The following GLE1 variants were observed in gnomAD, a reference collection of about 807,000 sequenced individuals.
GLE1 encodes the protein mRNA export factor GLE1.
Under a neutral mutation model 97.3 loss-of-function variants are expected in GLE1, and 78 were observed. That is an observed-to-expected ratio of 0.80 (90% CI 0.67 to 0.97). The LOEUF is 0.97. Among genes scored for constraint, GLE1 ranks in the 50% least tolerant of loss-of-function variants. The pLI, the probability that GLE1 is intolerant of heterozygous loss-of-function variation, is 0.00. For missense variants in GLE1, 753 were observed against 857.5 expected (o/e 0.88, Z 1.52); for synonymous variants, 302 against 313.4 (o/e 0.96, Z 0.39).
chr9:128,537,453 CAAAAAAAA>C (rs57584433), intron 12 of GLE1, among the ~76,000 whole-genome samples: 1 of 43,946 alleles, frequency 2.3e-5, no homozygotes, highest in African/African-American at 8.9e-5. Context: ...AACTCTCCCT[CAAAAAAAA>C]AAAAAAAAAA....
intron 12 of GLE1, 115 bp downstream of exon 12, chr9:128,536,599 C>T: frequency 1.1e-6 from 1 of 919,906 alleles, no homozygotes; most frequent in Non-Finnish European, 1.8e-6. Context: ...AAAGGATAAA[C>T]TATATGGCAG....
chr9:128,520,326 G>GTGTGTATA (rs57571577), intron 3 of GLE1, among the ~76,000 whole-genome samples: 8 of 147,090 alleles, frequency 5.4e-5, no homozygotes, highest in South Asian at 2.1e-4. Flanking sequence ...ATATGTATAT[G>GTGTGTATA]TGTGTATATG....
chr9:128,522,696 A>G lies in GLE1; in HGVS notation c.461A>G (p.Gln154Arg), dbSNP rs774204660. 2 of 1,608,314 alleles carry G rather than the reference A, an allele frequency of 1.2e-6. No individual in the cohort carries two copies. The highest frequency in any genetic ancestry group is 1.7e-6 in the Non-Finnish European group (2 of 1,176,956). Residue 154 changes from glutamine to arginine, a missense_variant, in exon 4 of 16, where the codon CAG becomes CGG. Transcript: ENST00000309971. The stretch of plus-strand genomic sequence containing the variant: ...GGCCTGAGGCTATGGCAGGAGGAGC[A>G]GGAGAGGAAGGTGCAAGCCCTCTCG... Reference protein sequence around the residue: ...TEGLRLWQEEQERKVQALSEM... With the variant: ...TEGLRLWQEERERKVQALSEM...
At chr9:128,527,910 G>A (rs2132475994) in intron 9 of GLE1, among the ~76,000 whole-genome samples, 1 of 148,248 alleles carries the variant, frequency 6.7e-6, no homozygotes, top group South Asian at 2.2e-4. Context: ...ATTGCAGTGA[G>A]CCGAGATCAC....
chr9:128,518,657 C>T (rs1427765018), intron 3 of GLE1, among the ~76,000 whole-genome samples: 3 of 151,914 alleles, frequency 2.0e-5, no homozygotes, highest in Admixed American at 6.6e-5. Context: ...ATCACGAGGT[C>T]GGGAGTTCGA....
At position 128,523,831 on chromosome 9, in the gene GLE1, C is replaced by G; in HGVS notation, c.882C>G (p.Ile294Met). 2 of 1,614,046 alleles carry G rather than the reference C, an allele frequency of 1.2e-6. No individual in the cohort carries two copies. The highest frequency in any genetic ancestry group is 2.2e-5 in the East Asian group (1 of 44,858). Residue 294 changes from isoleucine (I) to methionine (M), a missense_variant, in exon 6 of 16, where the codon ATC becomes ATG. Ile to Met is a conservative substitution (Grantham distance 10). Coordinates refer to ENST00000309971, the MANE Select transcript of GLE1 (RefSeq NM_001003722.2). The stretch of plus-strand genomic sequence containing the variant: ...TGTGCAGCCTCATCTCAGGGATCAT[C>G]CGGGCCTCTTCAGAGGTGAGGGGGG... Reference protein sequence around the residue: ...NQLCSLISGIIRASSESSYPT... With the variant: ...NQLCSLISGIMRASSESSYPT...
intron 3 of GLE1, among the ~76,000 whole-genome samples, chr9:128,522,106 T>C (rs1009592206): frequency 6.6e-6 from 1 of 152,208 alleles, no homozygotes; most frequent in Non-Finnish European, 1.5e-5. Context: ...AGCTTAATAG[T>C]GCATGGCTGT....
chr9:128,532,144 G>C (rs1847532885), intron 9 of GLE1, among the ~76,000 whole-genome samples: 1 of 149,164 alleles, frequency 6.7e-6, no homozygotes. Flanking sequence ...AACTGGAGAT[G>C]CTGTATTAAT....
rs1246453860 is a variant in GLE1, at chr9:128,525,285, A to G, written c.991A>G (p.Arg331Gly). 1 of 1,613,984 alleles carries G rather than the reference A, an allele frequency of 6.2e-7. No homozygotes were observed. The highest frequency in any genetic ancestry group is 8.5e-7 in the Non-Finnish European group (1 of 1,179,966). Residue 331 changes from arginine to glycine, a missense_variant, in exon 7 of 16, where the codon AGA becomes GGA. Physicochemically the swap from Arg to Gly is moderately radical, Grantham distance 125. Transcript: ENST00000309971. ...GATGAACTTGGGGCAGGAGATCACC[A>G]GAGCCTGCGAAGACAAGAGGAGGCA... is the stretch of plus-strand genomic sequence containing the variant. Reference protein sequence around the residue: ...LLMNLGQEITRACEDKRRQDE... With the variant: ...LLMNLGQEITGACEDKRRQDE...
rs1389987304 is a variant in GLE1 at position 128,523,611 on chromosome 9, G to A, written c.662G>A (p.Arg221Gln). ...CTACAGATTCTCAACCTGAAGCTGC[G>A]GGAAGCAGAGCAGCAGCGCGTGAAG... The part of the protein sequence containing the change: ...HRAKILNLKL[R>Q]EAEQQRVKQA... The change falls in exon 6 of 16, where the codon CGG becomes CAG. Residue 221 changes from arginine to glutamine, a missense_variant. Coordinates refer to ENST00000309971, the MANE Select transcript of GLE1 (RefSeq NM_001003722.2). 1.2e-6 allele frequency: 2 copies of A among 1,614,048 alleles called. No homozygotes were observed. The highest frequency in any genetic ancestry group is 1.7e-6 in the Non-Finnish European group (2 of 1,180,016).
chr9:128,522,868 C>G lies in GLE1; in HGVS notation c.581+52C>G, dbSNP rs895536513. 5.0e-6 allele frequency: 8 copies of G among 1,600,224 alleles called. No homozygotes were observed. In the African/African-American group the frequency reaches 9.4e-5, roughly 19 times the overall value. ...AATGTTGATGTGTTCAACTGGAACT[C>G]TTTCCCAAGAGGAATTCCAAAGGGA... On this transcript the variant is annotated intron_variant, in intron 4 of 15. Transcript: ENST00000309971.
At chr9:128,519,508 C>T (rs1344285570) in intron 3 of GLE1, among the ~76,000 whole-genome samples, 1 of 152,156 alleles carries the variant, frequency 6.6e-6, no homozygotes, top group Non-Finnish European at 1.5e-5. Context: ...CCATAGCGCT[C>T]CCAGGCTTAT....
intron 3 of GLE1, among the ~76,000 whole-genome samples, chr9:128,519,325 T>C (rs945622303): frequency 1.3e-5 from 2 of 152,218 alleles, no homozygotes; most frequent in African/African-American, 4.8e-5. Context: ...AACAAAGCCA[T>C]ATTTCTCTTC....
rs185083826 is a variant in GLE1, at chr9:128,520,693, G to A, written c.433-1975G>A. Among the ~76,000 whole-genome samples the A allele has an allele frequency of 9.9e-5, 14 of 140,864 alleles. No homozygotes were observed. The East Asian group carries it at 2.2e-3, about 22-fold the overall frequency. The allele number at this position is 140,864 out of a possible 152,430, so 92.4% of individuals were successfully genotyped here. A position where few individuals can be genotyped will look rare whatever the true frequency, so the allele number is the denominator to read the frequency against. The stretch of plus-strand genomic sequence containing the variant: ...GCATCGTCTGCTTCTCACACACATC[G>A]TGTGTGTGTGTGTGTATCCTTGGGT... On this transcript the variant is annotated intron_variant, in intron 3 of 15. Transcript: ENST00000309971.
At chr9:128,537,109 T>C (rs1190807222) in intron 12 of GLE1, among the ~76,000 whole-genome samples, 1 of 152,096 alleles carries the variant, frequency 6.6e-6, no homozygotes, top group Non-Finnish European at 1.5e-5. Context: ...AGCTGACACA[T>C]GCATATTGAA....
intron 2 of GLE1, among the ~76,000 whole-genome samples, chr9:128,512,240 G>T (rs1354881269): frequency 6.6e-6 from 1 of 152,188 alleles, no homozygotes; most frequent in Non-Finnish European, 1.5e-5. Flanking sequence ...GTGGTTGGTG[G>T]TGATAGAACA....
intron 11 of GLE1, among the ~76,000 whole-genome samples, 153 bp downstream of exon 11, chr9:128,534,104 A>C (rs1175351885): frequency 2.0e-5 from 3 of 152,308 alleles, no homozygotes; most frequent in Admixed American, 2.0e-4. Flanking sequence ...GCAGTGGCTC[A>C]TGCCTGTAAT....
Position 128,524,540 on chromosome 9 carries a change from C to CTT in GLE1, c.898-624_898-623dup, listed in dbSNP as rs71381767. ...GTACCTGCCCTGTTTCTTTGCTTTG[C>CTT]TTTTTTTTTTTTTTTTTTTTTTTTT... On this transcript the variant is annotated intron_variant, in intron 6 of 15. Coordinates refer to ENST00000309971, the MANE Select transcript of GLE1 (RefSeq NM_001003722.2). 2.7e-3 allele frequency among the ~76,000 whole-genome samples: 109 copies of CTT among 39,642 alleles called. 15 individuals are homozygous for CTT. The highest frequency in any genetic ancestry group is 0.014 in the East Asian group (17 of 1,216). The allele number at this position is 39,642 out of a possible 152,430, so 26.0% of individuals were successfully genotyped here.
At chr9:128,529,487 C>G (rs1020251639) in intron 9 of GLE1, among the ~76,000 whole-genome samples, 2 of 152,152 alleles carry the variant, frequency 1.3e-5, no homozygotes, top group Admixed American at 6.5e-5. Flanking sequence ...ATAGGCTCCT[C>G]TCTCTCAGCC....
Sources: allele counts gnomAD v4.1 joint callset (sites outside exome capture counted in the v4.1 genomes callset), GRCh38; gene constraint gnomAD v4.1.1; transcripts MANE v1.5; gene names NCBI Gene and HGNC (gene_info 2026-07-23, HGNC 2026-07-21).